BTRC: variants seen among roughly 807,000 people sequenced by gnomAD.
BTRC encodes F-box/WD repeat-containing protein 1A.
Under a neutral mutation model 85.5 loss-of-function variants are expected in BTRC, and 42 were observed. That is an observed-to-expected ratio of 0.49 (90% CI 0.38 to 0.64). The LOEUF (loss-of-function observed/expected upper bound fraction) is 0.64. Ranked by LOEUF, BTRC falls within the 30% of genes least tolerant of loss-of-function variation. The probability of loss-of-function intolerance (pLI) is 0.00; values close to 1 mark genes in which losing one functional copy is unlikely to be tolerated. For missense variants in BTRC, 594 were observed against 743.5 expected (o/e 0.80, Z 2.34); for synonymous variants, 255 against 263.3 (o/e 0.97, Z 0.30).
At chr10:101,432,275 A>T (rs928820715) in intron 2 of BTRC, among the ~76,000 whole-genome samples, 1 of 151,820 alleles carries the variant, frequency 6.6e-6, no homozygotes, top group Non-Finnish European at 1.5e-5. Flanking sequence ...CTACAGGCAC[A>T]CGACCACACT....
chr10:101,524,337 T>C (rs374903310), intron 5 of BTRC, among the ~76,000 whole-genome samples: 27 of 152,196 alleles, frequency 1.8e-4, no homozygotes, highest in East Asian at 7.7e-4. Flanking sequence ...CACTGAGACA[T>C]GTTACTATCT....
intron 1 of BTRC, among the ~76,000 whole-genome samples, chr10:101,419,623 T>C (rs982530992): frequency 1.3e-5 from 2 of 152,104 alleles, no homozygotes; most frequent in East Asian, 3.9e-4. Flanking sequence ...AAGAAGGCAA[T>C]AGAGTCTGTT....
intron 4 of BTRC, among the ~76,000 whole-genome samples, chr10:101,504,325 C>CA (rs1442743653): frequency 6.6e-6 from 1 of 152,188 alleles, no homozygotes; most frequent in African/African-American, 2.4e-5. Context: ...GTCCAACAAG[C>CA]ATATTGCTCC....
At chr10:101,448,219 A>G (rs1460969564) in intron 2 of BTRC, among the ~76,000 whole-genome samples, 1 of 152,158 alleles carries the variant, frequency 6.6e-6, no homozygotes, top group African/African-American at 2.4e-5. Context: ...AGTAGAAACT[A>G]TTTGCATTGC....
At chr10:101,552,505 T>C (rs1344258599) in intron 14 of BTRC, among the ~76,000 whole-genome samples, 1 of 152,076 alleles carries the variant, frequency 6.6e-6, no homozygotes, top group African/African-American at 2.4e-5. Flanking sequence ...GTCTCTGGCT[T>C]TTCTTCCTTA....
chr10:101,414,528 G>T (rs1386936594), intron 1 of BTRC: 3 of 387,822 alleles, frequency 7.7e-6, no homozygotes, highest in African/African-American at 4.2e-5. Flanking sequence ...TTTAGAGTGG[G>T]CTACTTCTAC....
Position 101,446,109 on chromosome 10 carries a change from C to T in BTRC, c.156+15657C>T, listed in dbSNP as rs142883450. ...AGTACATTTTGTTCTCTTCCCCCCCCACCCCCCCAACCCCCTCCGTGCTCA... is the reference window on the plus strand; with the variant it reads ...AGTACATTTTGTTCTCTTCCCCCCCTACCCCCCCAACCCCCTCCGTGCTCA... On this transcript the variant is annotated intron_variant, in intron 2 of 14. Coordinates refer to ENST00000370187, the MANE Select transcript of BTRC (RefSeq NM_033637.4). Among the ~76,000 whole-genome samples, 8 of 131,022 alleles carry T rather than the reference C, an allele frequency of 6.1e-5. No homozygotes were observed. The East Asian group carries it at 1.4e-3, about 22-fold the overall frequency. 86.0% of individuals were successfully genotyped at this position (131,022 alleles called of 152,430 possible).
chr10:101,522,597 T>G (rs958729436), intron 5 of BTRC, among the ~76,000 whole-genome samples: 5 of 151,144 alleles, frequency 3.3e-5, no homozygotes, highest in East Asian at 3.9e-4. Context: ...ATTTTTGTAT[T>G]TTTAGTAGAG....
At chr10:101,380,930 T>C (rs953466302) in intron 1 of BTRC, among the ~76,000 whole-genome samples, 2 of 152,190 alleles carry the variant, frequency 1.3e-5, no homozygotes, top group Admixed American at 1.3e-4. Context: ...TTGTGCAGTT[T>C]GTTACTGTAC....
chr10:101,417,126 C>T (rs1236507810), intron 1 of BTRC, among the ~76,000 whole-genome samples: 3 of 152,064 alleles, frequency 2.0e-5, no homozygotes, highest in African/African-American at 7.3e-5. Context: ...CAATAACAAC[C>T]ATCAGAATTA....
At chr10:101,435,363 C>T (rs1388401744) in intron 2 of BTRC, among the ~76,000 whole-genome samples, 1 of 152,106 alleles carries the variant, frequency 6.6e-6, no homozygotes, top group Non-Finnish European at 1.5e-5. Context: ...AGTCTGTACC[C>T]ATCCCCCATA....
chr10:101,523,824 G>A, intron 5 of BTRC, among the ~76,000 whole-genome samples: 1 of 152,050 alleles, frequency 6.6e-6, no homozygotes, highest in Admixed American at 6.6e-5. Flanking sequence ...AATGGTTGAA[G>A]CACATATTAT....
chr10:101,429,504 TC>T (rs140231696), intron 1 of BTRC, among the ~76,000 whole-genome samples: 9 of 75,774 alleles, frequency 1.2e-4, no homozygotes, highest in South Asian at 7.1e-4. Context: ...TCCTCTCCCC[TC>T]CCCCCCTCCC....
chr10:101,474,198 A>G (rs569655271), intron 3 of BTRC, among the ~76,000 whole-genome samples: 13 of 152,094 alleles, frequency 8.5e-5, no homozygotes, highest in Non-Finnish European at 1.9e-4. Flanking sequence ...AACATTATAA[A>G]TGGTACATTG....
intron 1 of BTRC, among the ~76,000 whole-genome samples, chr10:101,381,150 G>T (rs1942919114): frequency 6.6e-6 from 1 of 152,006 alleles, no homozygotes; most frequent in Non-Finnish European, 1.5e-5. Flanking sequence ...AATAATGGCA[G>T]CCAACACTTG....
chr10:101,543,098 G>A (rs376528782), intron 13 of BTRC, among the ~76,000 whole-genome samples: 2 of 152,088 alleles, frequency 1.3e-5, no homozygotes, highest in South Asian at 2.1e-4. Flanking sequence ...GGCTGGTCTC[G>A]AACTCCTGAC....
At chr10:101,360,113 G>A (rs1334154284) in intron 1 of BTRC, among the ~76,000 whole-genome samples, 1 of 152,028 alleles carries the variant, frequency 6.6e-6, no homozygotes, top group African/African-American at 2.4e-5. Flanking sequence ...GGAGTACAGT[G>A]GTGCAACCTT....
At chr10:101,423,728 C>T (rs1944170443) in intron 1 of BTRC, among the ~76,000 whole-genome samples, 1 of 152,128 alleles carries the variant, frequency 6.6e-6, no homozygotes, top group Non-Finnish European at 1.5e-5. Context: ...AAATAATGTA[C>T]TTAAGGGATC....
intron 1 of BTRC, among the ~76,000 whole-genome samples, chr10:101,400,587 C>T (rs1260222256): frequency 1.3e-5 from 2 of 152,208 alleles, no homozygotes; most frequent in Non-Finnish European, 2.9e-5. Context: ...TTTGCCTCCT[C>T]TCCCTGTCAA....
Sources: allele counts gnomAD v4.1 joint callset (sites outside exome capture counted in the v4.1 genomes callset), GRCh38; gene constraint gnomAD v4.1.1; transcripts MANE v1.5; gene names NCBI Gene and HGNC (gene_info 2026-07-23, HGNC 2026-07-21).